The following CRISPLD2 variants were observed in gnomAD, a reference collection of about 807,000 sequenced individuals.
CRISPLD2 encodes the protein cysteine rich secretory protein LCCL domain containing 2.
CRISPLD2 carries 47 observed loss-of-function variants against 71.1 expected under a neutral mutation model. The observed-to-expected ratio is 0.66, with a 90% CI of 0.52 to 0.84. The LOEUF (loss-of-function observed/expected upper bound fraction) is 0.84. CRISPLD2 is among the 40% of genes least tolerant of loss of function. The pLI, the probability that CRISPLD2 is intolerant of heterozygous loss-of-function variation, is 0.00. For missense variants in CRISPLD2, 830 were observed against 651.1 expected (o/e 1.27, Z -2.99); for synonymous variants, 317 against 250.1 (o/e 1.27, Z -2.52).
chr16:84,869,625 A>G (rs1452095611), intron 8 of CRISPLD2, among the ~76,000 whole-genome samples: 1 of 152,138 alleles, frequency 6.6e-6, no homozygotes, highest in African/African-American at 2.4e-5. Context: ...GATGAGCCTC[A>G]TGTGTCAACA....
rs149109786 is a variant in CRISPLD2 at position 84,866,238 on chromosome 16, G to GTT, written c.710-659_710-658insTT. Among the ~76,000 whole-genome samples, 164 of 148,304 alleles carry GTT rather than the reference G, an allele frequency of 1.1e-3. 2 individuals carry two copies. Among genetic ancestry groups the GTT allele is most frequent in the South Asian group, 4.3e-3 (20 of 4,698 alleles). On this transcript the variant is annotated intron_variant, in intron 6 of 14. Transcript: ENST00000262424. Reference sequence around the variant, plus strand: ...AGTGGCCGAGGCAGTTTTGTTTTTTGGTTTTTTTTTTTGAGATGGAGTTTC... The same window carrying GTT: ...AGTGGCCGAGGCAGTTTTGTTTTTTGTTGTTTTTTTTTTTGAGATGGAGTTTC...
At chr16:84,838,983 G>A (rs772326695) in intron 2 of CRISPLD2, 4 of 633,202 alleles carry the variant, frequency 6.3e-6, no homozygotes, top group Non-Finnish European at 1.2e-5. Context: ...TAGACTCCCG[G>A]GGTTAAGCGA....
At chr16:84,831,050 A>T (rs1916475886) in intron 1 of CRISPLD2, among the ~76,000 whole-genome samples, 1 of 152,136 alleles carries the variant, frequency 6.6e-6, no homozygotes, top group Non-Finnish European at 1.5e-5. Context: ...CCGGCCCTTG[A>T]GAAGCTCGGG....
intron 8 of CRISPLD2, among the ~76,000 whole-genome samples, chr16:84,872,236 C>G (rs1021007078): frequency 6.6e-6 from 1 of 152,180 alleles, no homozygotes; most frequent in East Asian, 1.9e-4. Context: ...CAATCCCCCA[C>G]GGATACCGAG....
intron 2 of CRISPLD2, among the ~76,000 whole-genome samples, chr16:84,843,213 G>A (rs1021637467): frequency 3.3e-5 from 5 of 152,326 alleles, no homozygotes; most frequent in African/African-American, 9.6e-5. Context: ...TCGGAGCAAG[G>A]AGGCTGAAAG....
At chr16:84,842,621 A>G (rs1916805599) in intron 2 of CRISPLD2, among the ~76,000 whole-genome samples, 1 of 151,682 alleles carries the variant, frequency 6.6e-6, no homozygotes, top group Non-Finnish European at 1.5e-5. Flanking sequence ...TGATCCGCCC[A>G]CCTCAGCCTC....
chr16:84,881,475 A>G (rs573177409), intron 13 of CRISPLD2, among the ~76,000 whole-genome samples: 4 of 152,296 alleles, frequency 2.6e-5, no homozygotes, highest in African/African-American at 4.8e-5. Flanking sequence ...GACCCAGACA[A>G]TGTGACTGTG....
intron 14 of CRISPLD2, among the ~76,000 whole-genome samples, chr16:84,904,619 TA>T (rs563565844): frequency 0.047 from 6,788 of 145,918 alleles, 179 homozygotes; most frequent in Non-Finnish European, 0.062. Flanking sequence ...AAAAAAAAAT[TA>T]AAAAAAAAAA....
At chr16:84,886,022 T>C (rs900204106) in intron 13 of CRISPLD2, among the ~76,000 whole-genome samples, 9 of 152,072 alleles carry the variant, frequency 5.9e-5, no homozygotes, top group Non-Finnish European at 1.0e-4. Context: ...GATCTCGCTA[T>C]GTTGCCCAGG....
chr16:84,880,252 T>C (rs1337156332), intron 12 of CRISPLD2, among the ~76,000 whole-genome samples: 1 of 152,232 alleles, frequency 6.6e-6, no homozygotes, highest in Non-Finnish European at 1.5e-5. Flanking sequence ...TTTACCTTTT[T>C]GTTTGTGCAT....
At chr16:84,821,749 T>C (rs1223784815) in intron 1 of CRISPLD2, among the ~76,000 whole-genome samples, 1 of 152,146 alleles carries the variant, frequency 6.6e-6, no homozygotes, top group African/African-American at 2.4e-5. Context: ...TTTCTTAAGA[T>C]GTGAGAGTAG....
At chr16:84,906,089 G>T (rs2071799680) in intron 14 of CRISPLD2, among the ~76,000 whole-genome samples, 1 of 152,070 alleles carries the variant, frequency 6.6e-6, no homozygotes, top group South Asian at 2.1e-4. Flanking sequence ...ACTAGCCATG[G>T]GACCCTGGGT....
At chr16:84,873,754 C>A (rs972015607) in intron 10 of CRISPLD2, among the ~76,000 whole-genome samples, 166 bp from the exon 11 acceptor site, 1 of 152,012 alleles carries the variant, frequency 6.6e-6, no homozygotes, top group Non-Finnish European at 1.5e-5. Flanking sequence ...GTTAAGATGC[C>A]CTGGTCTAGA....
At chr16:84,849,345 G>C in intron 3 of CRISPLD2, 40 bp from the exon 4 acceptor site, 1 of 1,573,656 alleles carries the variant, frequency 6.4e-7, no homozygotes, top group Non-Finnish European at 8.7e-7. Flanking sequence ...GGTGGGTGAG[G>C]GGAGGGGCTG....
At chr16:84,862,620 C>T (rs568385661) in intron 6 of CRISPLD2, among the ~76,000 whole-genome samples, 4 of 151,412 alleles carry the variant, frequency 2.6e-5, no homozygotes, top group Non-Finnish European at 4.4e-5. Flanking sequence ...AAGTTATGTC[C>T]CCGATGGGGC....
intron 1 of CRISPLD2, among the ~76,000 whole-genome samples, chr16:84,826,412 TC>T (rs1443273424): frequency 6.6e-6 from 1 of 152,206 alleles, no homozygotes; most frequent in Non-Finnish European, 1.5e-5. Flanking sequence ...GCTGGCACCC[TC>T]CTTCAGAGCA....
chr16:84,855,241 G>GT (rs1180040184), intron 6 of CRISPLD2, among the ~76,000 whole-genome samples: 2 of 152,190 alleles, frequency 1.3e-5, no homozygotes, highest in Non-Finnish European at 2.9e-5. Context: ...ATGAGGCCAT[G>GT]TATTAGGGTT....
At chr16:84,875,271 G>C (rs2071507950) in intron 11 of CRISPLD2, among the ~76,000 whole-genome samples, 1 of 151,854 alleles carries the variant, frequency 6.6e-6, no homozygotes, top group Non-Finnish European at 1.5e-5. Flanking sequence ...GTGTGTGTGT[G>C]TGTGTGTGTC....
In CRISPLD2 at chr16:84,880,506, C is replaced by T; in HGVS notation, c.1230-3C>T. The T allele has an allele frequency of 6.2e-7, 1 of 1,609,734 alleles. No individual in the cohort carries two copies. The highest frequency in any genetic ancestry group is 8.5e-7 in the Non-Finnish European group (1 of 1,177,466). ...CATCACATAAATGCTTCCTGTTTTTCAGAATCCATTGTCCGGCACACTGCA... is the reference window on the plus strand; with the variant it reads ...CATCACATAAATGCTTCCTGTTTTTTAGAATCCATTGTCCGGCACACTGCA... On this transcript the variant is annotated splice_region_variant and splice_polypyrimidine_tract_variant and intron_variant, in intron 12 of 14. Coordinates refer to ENST00000262424, the MANE Select transcript of CRISPLD2 (RefSeq NM_031476.4).
Sources: allele counts gnomAD v4.1 joint callset (sites outside exome capture counted in the v4.1 genomes callset), GRCh38; gene constraint gnomAD v4.1.1; transcripts MANE v1.5; gene names NCBI Gene and HGNC (gene_info 2026-07-23, HGNC 2026-07-21).